OPCML: variants seen among roughly 807,000 people sequenced by gnomAD.
The protein encoded by OPCML is opioid binding protein/cell adhesion molecule like.
A neutral mutation model predicts 37.8 loss-of-function variants in OPCML; 13 were observed. The observed-to-expected ratio is 0.34, with a 90% CI of 0.22 to 0.55. OPCML has a LOEUF of 0.55. Ranked by LOEUF, OPCML falls within the 20% of genes least tolerant of loss-of-function variation. The pLI is 0.91. For missense variants in OPCML, 341 were observed against 435.6 expected, an observed-to-expected ratio of 0.78 and a Z score of 1.93; for synonymous variants, 176 against 168.8, an observed-to-expected ratio of 1.04 and a Z score of -0.33.
intron 3 of OPCML, among the ~76,000 whole-genome samples, chr11:132,586,422 G>C (rs2096472773): frequency 6.6e-6 from 1 of 152,204 alleles, no homozygotes; most frequent in Non-Finnish European, 1.5e-5. Flanking sequence ...TCTCATTCCA[G>C]CTGCTGTGCC....
intron 1 of OPCML, among the ~76,000 whole-genome samples, chr11:133,128,420 T>TA (rs1192958269): frequency 6.6e-6 from 1 of 152,148 alleles, no homozygotes; most frequent in East Asian, 1.9e-4. Flanking sequence ...GGAAGGGGAA[T>TA]AATCTCCAGA....
chr11:133,183,914 C>G (rs1053278234), intron 1 of OPCML, among the ~76,000 whole-genome samples: 1 of 152,148 alleles, frequency 6.6e-6, no homozygotes, highest in Non-Finnish European at 1.5e-5. Context: ...CAATTACACC[C>G]GAGTCTACTC....
chr11:133,410,634 T>TAAA lies in OPCML; in HGVS notation c.61+121627_61+121629dup, dbSNP rs71038527. ...TGAAAGCACACGTTAAGAAAAAAAG[T>TAAA]AAAAAAAAAAAAAAAAAAAAAAAAA... On this transcript the variant is annotated intron_variant, in intron 1 of 7. Transcript: ENST00000524381. Among the ~76,000 whole-genome samples, 74 of 47,016 alleles carry TAAA rather than the reference T, an allele frequency of 1.6e-3. 11 individuals carry two copies. Among genetic ancestry groups the TAAA allele is most frequent in the Non-Finnish European group, 2.7e-3 (61 of 22,820 alleles). 30.8% of individuals were successfully genotyped at this position (47,016 alleles called of 152,430 possible).
At chr11:132,859,061 C>T (rs1392005791) in intron 2 of OPCML, among the ~76,000 whole-genome samples, 1 of 152,102 alleles carries the variant, frequency 6.6e-6, no homozygotes, top group Non-Finnish European at 1.5e-5. Flanking sequence ...AATATATTTC[C>T]TTTCTTCATT....
chr11:132,452,558 T>C (rs920430692), intron 4 of OPCML, among the ~76,000 whole-genome samples: 19 of 150,304 alleles, frequency 1.3e-4, no homozygotes, highest in African/African-American at 4.7e-4. Flanking sequence ...CCTTCCTTTT[T>C]TCCTTCCTTC....
intron 1 of OPCML, among the ~76,000 whole-genome samples, chr11:132,994,266 C>A (rs767852119): frequency 1.3e-5 from 2 of 152,196 alleles, no homozygotes; most frequent in Non-Finnish European, 2.9e-5. Flanking sequence ...GGGGCTTTTA[C>A]GGCCGGAACT....
intron 2 of OPCML, among the ~76,000 whole-genome samples, chr11:132,760,580 T>C (rs1946225881): frequency 6.6e-6 from 1 of 151,964 alleles, no homozygotes; most frequent in Non-Finnish European, 1.5e-5. Flanking sequence ...TTTTTTATCT[T>C]TGTTGGTTTA....
At chr11:133,326,529 T>C (rs1273936326) in intron 1 of OPCML, among the ~76,000 whole-genome samples, 2 of 118,142 alleles carry the variant, frequency 1.7e-5, no homozygotes, top group Non-Finnish European at 3.5e-5. Flanking sequence ...TATGTGTAAG[T>C]GTGTGGGGGG....
At chr11:133,348,454 A>T (rs559700476) in intron 1 of OPCML, among the ~76,000 whole-genome samples, 1 of 152,298 alleles carries the variant, frequency 6.6e-6, no homozygotes, top group South Asian at 2.1e-4. Context: ...CCATGTAGTA[A>T]CTACAGGCAG....
At chr11:132,698,651 T>C (rs1943694255) in intron 2 of OPCML, among the ~76,000 whole-genome samples, 2 of 152,324 alleles carry the variant, frequency 1.3e-5, no homozygotes, top group Non-Finnish European at 1.5e-5. Context: ...ATTCCATTTG[T>C]TCATTTTTGT....
chr11:132,687,398 A>G (rs1591727591), intron 2 of OPCML, among the ~76,000 whole-genome samples: 1 of 89,110 alleles, frequency 1.1e-5, no homozygotes, highest in Non-Finnish European at 2.0e-5. Context: ...ATATATATAT[A>G]TATATATATA....
At chr11:132,457,873 A>G (rs1222574511) in intron 4 of OPCML, among the ~76,000 whole-genome samples, 3 of 152,232 alleles carry the variant, frequency 2.0e-5, no homozygotes. Context: ...AATATCAGCT[A>G]TTTTGTGCCA....
At chr11:133,196,265 A>G (rs1938533697) in intron 1 of OPCML, among the ~76,000 whole-genome samples, 1 of 152,218 alleles carries the variant, frequency 6.6e-6, no homozygotes, top group South Asian at 2.1e-4. Flanking sequence ...AGGTGTTATT[A>G]GTGGATTTCT....
chr11:132,802,349 G>T (rs778937942), intron 2 of OPCML, among the ~76,000 whole-genome samples: 2 of 152,068 alleles, frequency 1.3e-5, no homozygotes, highest in Non-Finnish European at 2.9e-5. Context: ...CAACTCTGAA[G>T]TCCCTGAACA....
intron 2 of OPCML, among the ~76,000 whole-genome samples, chr11:132,875,542 G>A (rs541661992): frequency 1.3e-5 from 2 of 148,962 alleles, no homozygotes; most frequent in Non-Finnish European, 3.0e-5. Context: ...TTGGCTCACC[G>A]CAACCTCTAC....
intron 4 of OPCML, among the ~76,000 whole-genome samples, chr11:132,457,020 A>G (rs1285208731): frequency 6.6e-6 from 1 of 152,190 alleles, no homozygotes; most frequent in African/African-American, 2.4e-5. Context: ...GGGATGCCGC[A>G]GAGGCAAGGG....
At chr11:133,300,968 A>G (rs768879035) in intron 1 of OPCML, 5 of 152,166 alleles carry the variant, frequency 3.3e-5, no homozygotes, top group Non-Finnish European at 7.3e-5. Context: ...TGGCTCAGTG[A>G]TACTAATTTT....
At chr11:133,368,431 C>G (rs1944601224) in intron 1 of OPCML, among the ~76,000 whole-genome samples, 1 of 152,082 alleles carries the variant, frequency 6.6e-6, no homozygotes, top group Non-Finnish European at 1.5e-5. Flanking sequence ...CACAGTGTAC[C>G]TAGCATTATA....
At chr11:132,618,996 CACACCG>C (rs1939228621) in intron 3 of OPCML, among the ~76,000 whole-genome samples, 1 of 122,332 alleles carries the variant, frequency 8.2e-6, no homozygotes, top group Admixed American at 8.5e-5. Flanking sequence ...CACACACACA[CACACCG>C]TGTTTAGAAT....
Sources: gnomAD v4.1 joint callset for allele counts (sites outside exome capture counted in the v4.1 genomes callset) on GRCh38, gnomAD v4.1.1 for gene constraint, MANE v1.5 for transcripts, NCBI Gene and HGNC (gene_info 2026-07-23, HGNC 2026-07-21) for gene names.